ARHGEF40: variants seen among roughly 807,000 people sequenced by gnomAD.
ARHGEF40 encodes Rho guanine nucleotide exchange factor (GEF) 40.
In ARHGEF40, 98 loss-of-function variants were observed where a neutral mutation model predicts 165.9. The ratio of observed to expected loss-of-function variants is 0.59; its 90% CI spans 0.50 to 0.70. ARHGEF40 has a LOEUF of 0.70. ARHGEF40 is among the 30% of genes least tolerant of loss of function. The probability of loss-of-function intolerance (pLI) is 0.00; values close to 1 mark genes in which losing one functional copy is unlikely to be tolerated. For synonymous variants in ARHGEF40, 792 were observed against 814.3 expected, an observed-to-expected ratio of 0.97 and a Z score of 0.47; for missense variants, 1,815 against 1,968.0, an observed-to-expected ratio of 0.92 and a Z score of 1.47.
chr14:21,075,438 C>T lies in ARHGEF40; in HGVS notation c.1557C>T (p.Ser519=), dbSNP rs368429061. ...TTCCAGAAGAGGCCCTTGCAGTCTC[C>T]GTCTCTGATCACCCTGATGTAGCTT... ...DNIPEEALAV[S]VSDHPDVAWD... Residue 519 remains serine, a synonymous_variant, in exon 4 of 24, where the codon TCC becomes TCT. Transcript: ENST00000298694. This position sits in a 1 kb window ranked among gnomAD's most constrained non-coding sequence, Gnocchi z 4.5. 176 of 1,614,200 alleles carry T rather than the reference C, an allele frequency of 1.1e-4. No individual in the cohort carries two copies. Among genetic ancestry groups the T allele is most frequent in the Middle Eastern group, 4.9e-4 (3 of 6,062 alleles).
Position 21,079,004 on chromosome 14 carries a change from C to A in ARHGEF40, c.2367C>A (p.Leu789=). Residue 789 remains leucine (L), a synonymous_variant, in exon 11 of 24, where the codon CTC becomes CTA. Transcript: ENST00000298694. ...AGCAGCGGCAGTGCCTGCGGCGACTCCAGCAGGTGAGCCAGGATCCCCACG... is the reference window on the plus strand; with the variant it reads ...AGCAGCGGCAGTGCCTGCGGCGACTACAGCAGGTGAGCCAGGATCCCCACG... ...QQEQRQCLRR[L]QQVLQWLSGP... 6.2e-7 allele frequency: 1 copy of A among 1,612,294 alleles called. No homozygotes were observed. The highest frequency in any genetic ancestry group is 2.2e-5 in the East Asian group (1 of 44,826).
In ARHGEF40 at chr14:21,075,771, C is replaced by T. The variant is rs199597571; in HGVS notation, c.1739+6C>T. ...TACCTCCACTCACTGCTCAGGTAAC[C>T]GAGGCCCAGTCCTGGCACCCTGGAC... is the stretch of plus-strand genomic sequence containing the variant. On this transcript the variant is annotated splice_donor_region_variant and intron_variant, in intron 5 of 23. Coordinates refer to ENST00000298694, the MANE Select transcript of ARHGEF40 (RefSeq NM_018071.5). This position sits in a 1 kb window ranked among gnomAD's most constrained non-coding sequence, Gnocchi z 4.5. 2,633 of 1,611,562 alleles carry T rather than the reference C, an allele frequency of 1.6e-3. 3 individuals carry two copies. Among genetic ancestry groups the T allele is most frequent in the Non-Finnish European group, 1.9e-3 (2,273 of 1,178,768 alleles).
At position 21,077,089 on chromosome 14, in the gene ARHGEF40, A is replaced by G. The variant is rs528899056; in HGVS notation, c.2034+199A>G. Reference sequence around the variant, plus strand: ...CTGTGCCATGTTCTACTGGGGAGATAGGAGGAGTATGATAAATTATTATAA... The same window carrying G: ...CTGTGCCATGTTCTACTGGGGAGATGGGAGGAGTATGATAAATTATTATAA... On this transcript the variant is annotated intron_variant, in intron 8 of 23. Coordinates refer to ENST00000298694, the MANE Select transcript of ARHGEF40 (RefSeq NM_018071.5). Among the ~76,000 whole-genome samples the G allele has an allele frequency of 2.6e-5, 4 of 152,260 alleles. No individual in the cohort carries two copies. The South Asian group carries it at 8.3e-4, about 32-fold the overall frequency.
chr14:21,089,001 T>C lies in ARHGEF40; in HGVS notation c.*6-13T>C, dbSNP rs1342868237. ...TCTCCCAACTCATCTCCCTCTTCTC[T>C]CCTGGCTTCTAGAGAAGATCCAGAA... On this transcript the variant is annotated splice_polypyrimidine_tract_variant and intron_variant, in intron 23 of 23. Transcript: ENST00000298694. The C allele has an allele frequency of 8.3e-6, 8 of 958,838 alleles. No individual in the cohort carries two copies. The East Asian group carries it at 1.9e-4, about 23-fold the overall frequency. 59.4% of individuals were successfully genotyped at this position (958,838 alleles called of 1,614,324 possible). A position where few individuals can be genotyped will look rare whatever the true frequency, so the allele number is the denominator to read the frequency against.
Position 21,074,737 on chromosome 14 carries a change from C to T in ARHGEF40, c.1007C>T (p.Pro336Leu), listed in dbSNP as rs777482871. 3.7e-6 allele frequency: 6 copies of T among 1,606,472 alleles called. No individual in the cohort carries two copies. Among genetic ancestry groups the T allele is most frequent in the East Asian group, 2.2e-5 (1 of 44,582 alleles). The change falls in exon 3 of 24, where the codon CCC becomes CTC. Residue 336 changes from proline (P) to leucine (L), a missense_variant. Physicochemically the swap from Pro to Leu is moderately conservative, Grantham distance 98 (BLOSUM62 -3). Transcript: ENST00000298694. This position sits in a 1 kb window ranked among gnomAD's most constrained non-coding sequence, Gnocchi z 4.8. ...GCAGCAGTCTTGGAGGTGTCTGAGC[C>T]CCCAGCAGAGGCTGTGGGAGAAGCC... ...PEAAVLEVSE[P>L]PAEAVGEASG...
rs767651385 is a variant in ARHGEF40, at chr14:21,075,150, C to A, written c.1420C>A (p.Leu474Met). ...PTEEGAGERELEGPGLLCMAG... is the reference protein window; with the variant it reads ...PTEEGAGEREMEGPGLLCMAG... ...AGAAGAGGGGGCCGGAGAGAGAGAG[C>A]TGGAGGGGCCAGGCCTGCTGTGTAT... Residue 474 changes from leucine to methionine, a missense_variant, in exon 3 of 24, where the codon CTG (leucine) becomes ATG (methionine). Transcript: ENST00000298694. The surrounding 1 kb of genome is among the most constrained non-coding windows in gnomAD (Gnocchi z 4.5). 3.1e-6 allele frequency: 5 copies of A among 1,608,494 alleles called. No individual in the cohort carries two copies. In the South Asian group the frequency reaches 5.5e-5, roughly 18 times the overall value.
chr14:21,082,748 C>A, intron 15 of ARHGEF40, 83 bp from the exon 16 acceptor site: 2 of 1,427,584 alleles, frequency 1.4e-6, no homozygotes, highest in Non-Finnish European at 2.0e-6. Context: ...ATTTGGGCTA[C>A]AGAGAGGATA....
intron 13 of ARHGEF40, 44 bp from the exon 14 acceptor site, chr14:21,081,465 C>T (rs1336991911): frequency 1.9e-6 from 3 of 1,604,948 alleles, no homozygotes; most frequent in Non-Finnish European, 1.7e-6. Context: ...GCAACACAGG[C>T]CCTTACCCTT....
Position 21,080,679 on chromosome 14 carries a change from G to C in ARHGEF40, c.2393G>C (p.Gly798Ala). ...CCTCAGGTGTTGCAGTGGCTCTCGG[G>C]CCCAGGGGAGGAGCAGCTGGCAAGC... is the stretch of plus-strand genomic sequence containing the variant. ...RLQQVLQWLS[G>A]PGEEQLASFA... Residue 798 changes from glycine to alanine, a missense_variant, in exon 12 of 24, where the codon GGC (glycine) becomes GCC (alanine). Coordinates refer to ENST00000298694, the MANE Select transcript of ARHGEF40 (RefSeq NM_018071.5). The C allele has an allele frequency of 6.2e-7, 1 of 1,611,120 alleles. No individual in the cohort carries two copies. Among genetic ancestry groups the C allele is most frequent in the Non-Finnish European group, 8.5e-7 (1 of 1,179,240 alleles).
chr14:21,082,229 C>G lies in ARHGEF40; in HGVS notation c.3252-15C>G. The G allele has an allele frequency of 1.3e-6, 2 of 1,598,930 alleles. No homozygotes were observed. The highest frequency in any genetic ancestry group is 3.4e-5 in the Admixed American group (2 of 59,278). ...CCCTCCCACACCTCCTCTGCCACTCCTATTGTGCCTGCAGTGCCCAGCAGC... is the reference window on the plus strand; with the variant it reads ...CCCTCCCACACCTCCTCTGCCACTCGTATTGTGCCTGCAGTGCCCAGCAGC... On this transcript the variant is annotated splice_polypyrimidine_tract_variant and intron_variant, in intron 14 of 23. Transcript: ENST00000298694.
chr14:21,078,789 C>A, intron 10 of ARHGEF40, 95 bp from the exon 11 acceptor site: 1 of 1,521,676 alleles, frequency 6.6e-7, no homozygotes, highest in Non-Finnish European at 9.0e-7. Context: ...TGCTGCTATG[C>A]AACCTCTCAT....
At position 21,076,777 on chromosome 14, in the gene ARHGEF40, G is replaced by A. The variant is rs751736441; in HGVS notation, c.1921G>A (p.Ala641Thr). Reference sequence around the variant, plus strand: ...CCCCCTGCCTTACCCTCTACAGGGTGCTGAGGTGCTGTCAGAGAATGATCT... The same window carrying A: ...CCCCCTGCCTTACCCTCTACAGGGTACTGAGGTGCTGTCAGAGAATGATCT... ...LPTELCGFQG[A>T]EVLSENDLKR... Residue 641 changes from alanine to threonine, a missense_variant, in exon 8 of 24, where the codon GCT becomes ACT. Physicochemically the swap from Ala to Thr is moderately conservative, Grantham distance 58. Transcript: ENST00000298694. 6.2e-7 allele frequency: 1 copy of A among 1,614,058 alleles called. No individual in the cohort carries two copies. Among genetic ancestry groups the A allele is most frequent in the South Asian group, 1.1e-5 (1 of 91,078 alleles).
rs779604888 is a variant in ARHGEF40 at position 21,070,791 on chromosome 14, T to C, written c.3+392T>C. The stretch of plus-strand genomic sequence containing the variant: ...CTGCGGGTTGGTCCTGCAGCGACCC[T>C]GGAAGAGGCCCGGCCCCTCGGGTCA... On this transcript the variant is annotated intron_variant, in intron 1 of 23. Coordinates refer to ENST00000298694, the MANE Select transcript of ARHGEF40 (RefSeq NM_018071.5). This position sits in a 1 kb window ranked among gnomAD's most constrained non-coding sequence, Gnocchi z 4.7. 1 of 1,534,438 alleles carries C rather than the reference T, an allele frequency of 6.5e-7. No individual in the cohort carries two copies. The highest frequency in any genetic ancestry group is 1.2e-5 in the South Asian group (1 of 84,008).
intron 19 of ARHGEF40, 79 bp from the exon 20 acceptor site, chr14:21,086,922 A>G: frequency 1.7e-6 from 2 of 1,200,494 alleles, no homozygotes; most frequent in African/African-American, 1.7e-5. Context: ...AAAAAAAAAA[A>G]GAAAAAAATC....
intron 17 of ARHGEF40, 151 bp from the exon 18 acceptor site, chr14:21,084,602 G>A (rs1888193344): frequency 1.0e-5 from 8 of 801,324 alleles, no homozygotes; most frequent in Non-Finnish European, 1.5e-5. Flanking sequence ...GTGACCAGTT[G>A]ATGGACCCTA....
In ARHGEF40 at chr14:21,074,182, A is replaced by G. The variant is rs1358624751; in HGVS notation, c.452A>G (p.Gln151Arg). 1 of 1,613,976 alleles carries G rather than the reference A, an allele frequency of 6.2e-7. No individual in the cohort carries two copies. The highest frequency in any genetic ancestry group is 2.2e-5 in the East Asian group (1 of 44,886). Residue 151 changes from glutamine to arginine, a missense_variant, in exon 3 of 24, where the codon CAA (glutamine) becomes CGA (arginine). Physicochemically the swap from Gln to Arg is conservative, Grantham distance 43 (BLOSUM62 1). Transcript: ENST00000298694. This position sits in a 1 kb window ranked among gnomAD's most constrained non-coding sequence, Gnocchi z 4.8. ...CAYLFTPEWL[Q>R]GINKDRPTGR... ...TACCTATTCACACCTGAGTGGCTAC[A>G]AGGCATCAACAAGGACCGGCCAACA...
chr14:21,087,721 C>G (rs1888471933), intron 21 of ARHGEF40: 1 of 683,174 alleles, frequency 1.5e-6, no homozygotes, highest in Admixed American at 2.9e-5. Context: ...CCTCAGCTTC[C>G]TGTTGTACCC....
At chr14:21,079,239 G>A (rs1188482811) in intron 11 of ARHGEF40, among the ~76,000 whole-genome samples, 1 of 152,202 alleles carries the variant, frequency 6.6e-6, no homozygotes, top group Admixed American at 6.5e-5. Context: ...ACACTTGATC[G>A]AAAATGCTGA....
rs776854575 is a variant in ARHGEF40 at position 21,087,466 on chromosome 14, G to A, written c.4387+3G>A. On this transcript the variant is annotated splice_donor_region_variant and intron_variant, in intron 21 of 23. Coordinates refer to ENST00000298694, the MANE Select transcript of ARHGEF40 (RefSeq NM_018071.5). Reference sequence around the variant, plus strand: ...GGACGTCAAGCAAATTTCCCTGGGTGAGGCACCTCTCAAGGGGTGGCTCCC... The same window carrying A: ...GGACGTCAAGCAAATTTCCCTGGGTAAGGCACCTCTCAAGGGGTGGCTCCC... The A allele has an allele frequency of 2.5e-6, 4 of 1,600,534 alleles. No homozygotes were observed. Among genetic ancestry groups the A allele is most frequent in the Admixed American group, 3.3e-5 (2 of 60,024 alleles).
Sources: gnomAD v4.1 joint callset for allele counts (sites outside exome capture counted in the v4.1 genomes callset) on GRCh38, gnomAD v4.1.1 for gene constraint, Gnocchi (gnomAD v3.1) non-coding constraint, MANE v1.5 for transcripts, NCBI Gene and HGNC (gene_info 2026-07-23, HGNC 2026-07-21) for gene names.